Variants in TASP1 observed in about 807,000 individuals in gnomAD.
The protein encoded by TASP1 is taspase 1.
TASP1 carries 16 observed loss-of-function variants against 56.6 expected under a neutral mutation model. That is an observed-to-expected ratio of 0.28 (90% CI 0.19 to 0.43). The LOEUF is 0.43. Ranked by LOEUF, TASP1 falls within the 20% of genes least tolerant of loss-of-function variation. The pLI is 1.00. For missense variants in TASP1, 393 were observed against 511.6 expected, an observed-to-expected ratio of 0.77 and a Z score of 2.24; for synonymous variants, 179 against 184.2, an observed-to-expected ratio of 0.97 and a Z score of 0.23.
At chr20:13,318,943 T>C in the TASP1 span, among the ~76,000 whole-genome samples, 1 of 152,184 alleles carries the variant, frequency 6.6e-6, no homozygotes, top group Non-Finnish European at 1.5e-5. Context: ...GTTACTATAA[T>C]GGTTAATACA....
intron 5 of TASP1, among the ~76,000 whole-genome samples, chr20:13,585,526 A>G (rs982767360): frequency 6.6e-6 from 1 of 152,214 alleles, no homozygotes; most frequent in East Asian, 1.9e-4. Flanking sequence ...AAAATCTGCA[A>G]AAGATGCAAA....
At chr20:13,403,368 G>A (rs2041808374) in intron 13 of TASP1, among the ~76,000 whole-genome samples, 1 of 152,190 alleles carries the variant, frequency 6.6e-6, no homozygotes, top group Non-Finnish European at 1.5e-5. Flanking sequence ...CATAACTGCA[G>A]TGTAAATGGG....
chr20:13,268,582 G>A, the TASP1 span, among the ~76,000 whole-genome samples: 7 of 152,130 alleles, frequency 4.6e-5, no homozygotes, highest in African/African-American at 7.2e-5. Context: ...GTGGAAAGGC[G>A]AGCAAAAACA....
intron 13 of TASP1, among the ~76,000 whole-genome samples, chr20:13,403,593 C>G (rs59051161): frequency 0.12 from 17,705 of 152,232 alleles, 2,181 homozygotes; most frequent in African/African-American, 0.31. Context: ...CTTGCCCCGG[C>G]TTATAAAGCA....
chr20:13,169,873 G>T, the TASP1 span, among the ~76,000 whole-genome samples: 1 of 152,086 alleles, frequency 6.6e-6, no homozygotes. Context: ...CATATTATCA[G>T]TAAACATTTT....
the TASP1 span, among the ~76,000 whole-genome samples, chr20:13,138,953 C>T: frequency 2.6e-5 from 4 of 152,264 alleles, no homozygotes; most frequent in Admixed American, 6.5e-5. Context: ...CAATCTGAAA[C>T]TCAAAAGTGT....
chr20:13,185,401 A>C, the TASP1 span, among the ~76,000 whole-genome samples: 1 of 151,998 alleles, frequency 6.6e-6, no homozygotes, highest in African/African-American at 2.4e-5. Context: ...GGTACCTCTC[A>C]TACATTATTC....
the TASP1 span, among the ~76,000 whole-genome samples, chr20:13,249,830 GTTTT>G: frequency 1.5e-5 from 2 of 130,522 alleles, no homozygotes; most frequent in African/African-American, 3.1e-5. Context: ...GTTTTGTTTT[GTTTT>G]GTTTCCTGGC....
chr20:13,500,303 TG>T (rs1322860791), intron 10 of TASP1, among the ~76,000 whole-genome samples: 7 of 144,262 alleles, frequency 4.9e-5, no homozygotes, highest in African/African-American at 1.3e-4. Flanking sequence ...ACTAGATGCA[TG>T]GAATAAGAAA....
At chr20:13,222,002 G>A in the TASP1 span, 16 of 1,195,132 alleles carry the variant, frequency 1.3e-5, 1 homozygote, top group East Asian at 5.2e-4. Context: ...TGGATGCAGG[G>A]AGGCAGGTCC....
the TASP1 span, among the ~76,000 whole-genome samples, chr20:13,192,094 T>G: frequency 0.015 from 2,356 of 152,316 alleles, 31 homozygotes; most frequent in South Asian, 0.031. Context: ...GAATTCTGTA[T>G]CCAAAGAAAT....
the TASP1 span, among the ~76,000 whole-genome samples, chr20:13,142,652 A>T: frequency 6.6e-6 from 1 of 152,188 alleles, no homozygotes; most frequent in Non-Finnish European, 1.5e-5. Context: ...GGCACAGTGT[A>T]TTCTCTGCTC....
chr20:13,401,081 G>A (rs2041721997), intron 13 of TASP1, among the ~76,000 whole-genome samples: 1 of 152,176 alleles, frequency 6.6e-6, no homozygotes, highest in Non-Finnish European at 1.5e-5. Context: ...AAACAGGGCG[G>A]CTACCACCTG....
the TASP1 span, among the ~76,000 whole-genome samples, chr20:13,173,210 T>TA: frequency 1.3e-5 from 2 of 152,226 alleles, no homozygotes; most frequent in East Asian, 3.8e-4. Flanking sequence ...CAGAGATCTA[T>TA]AAAAAGCAGA....
At chr20:13,548,163 T>TA (rs2045871017) in intron 8 of TASP1, among the ~76,000 whole-genome samples, 1 of 152,134 alleles carries the variant, frequency 6.6e-6, no homozygotes, top group African/African-American at 2.4e-5. Context: ...TTGGGGAGCC[T>TA]ATACTTTATT....
chr20:13,337,356 A>G, the TASP1 span, among the ~76,000 whole-genome samples: 205 of 152,260 alleles, frequency 1.3e-3, 1 homozygote, highest in African/African-American at 4.6e-3. Flanking sequence ...CCAAGTCTAG[A>G]CCTTGCCCTT....
chr20:13,181,168 G>A, the TASP1 span, among the ~76,000 whole-genome samples: 1 of 152,200 alleles, frequency 6.6e-6, no homozygotes, highest in Non-Finnish European at 1.5e-5. Context: ...TCTCCCATGA[G>A]CCATTGGAAC....
chr20:13,368,342 A>C, the TASP1 span: 1 of 152,236 alleles, frequency 6.6e-6, no homozygotes. Context: ...TTTTCTGAGC[A>C]GTATTCTTGG....
the TASP1 span, among the ~76,000 whole-genome samples, chr20:13,310,215 A>G: frequency 6.6e-6 from 1 of 152,332 alleles, no homozygotes; most frequent in South Asian, 2.1e-4. Flanking sequence ...AATCAAAACA[A>G]CATGATACTA....
Sources: allele counts gnomAD v4.1 joint callset (sites outside exome capture counted in the v4.1 genomes callset), GRCh38; gene constraint gnomAD v4.1.1; transcripts MANE v1.5; gene names NCBI Gene and HGNC (gene_info 2026-07-23, HGNC 2026-07-21).